Variants in ZBTB48 observed in about 807,000 individuals in gnomAD.
ZBTB48 encodes the protein zinc finger and BTB domain containing 48.
Under a neutral mutation model 64.5 loss-of-function variants are expected in ZBTB48, and 35 were observed. The observed-to-expected ratio is 0.54, with a 90% CI of 0.41 to 0.72. The LOEUF (loss-of-function observed/expected upper bound fraction) is 0.72, where lower values mean the gene tolerates loss of function less well. Among genes scored for constraint, ZBTB48 ranks in the 30% least tolerant of loss-of-function variants. ZBTB48 has a pLI of 0.00. For synonymous variants in ZBTB48, 442 were observed against 356.7 expected, an observed-to-expected ratio of 1.24 and a Z score of -2.70; for missense variants, 828 against 895.3, an observed-to-expected ratio of 0.92 and a Z score of 0.96.
In ZBTB48 at chr1:6,588,955, G is replaced by C. The variant is rs776287893; in HGVS notation, c.1810G>C (p.Glu604Gln). 3.7e-6 allele frequency: 6 copies of C among 1,609,004 alleles called. No individual in the cohort carries two copies. Among genetic ancestry groups the C allele is most frequent in the Non-Finnish European group, 2.5e-6 (3 of 1,176,910 alleles). Residue 604 changes from glutamate to glutamine, a missense_variant, in exon 11 of 11, where the codon GAG (glutamate) becomes CAG (glutamine). By Grantham distance (29) the Glu-to-Gln change is conservative (BLOSUM62 2). Transcript: ENST00000377674. ...RRHMEIHDRV[E>Q]NYNPRQRKLR... Reference sequence around the variant, plus strand: ...GCACATGGAGATCCACGACCGGGTAGAGAACTACAACCCGCGGCAGCGCAA... The same window carrying C: ...GCACATGGAGATCCACGACCGGGTACAGAACTACAACCCGCGGCAGCGCAA...
intron 3 of ZBTB48, among the ~76,000 whole-genome samples, chr1:6,583,956 G>A (rs1256036851): frequency 6.6e-6 from 1 of 151,774 alleles, no homozygotes; most frequent in Non-Finnish European, 1.5e-5. Flanking sequence ...ATTTTTTTGT[G>A]TGTGTTTAGT....
At chr1:6,586,076 C>T (rs2148692016) in intron 4 of ZBTB48, 46 bp downstream of exon 4, 2 of 1,589,662 alleles carry the variant, frequency 1.3e-6, no homozygotes, top group South Asian at 1.1e-5. Flanking sequence ...GCACACTGGC[C>T]TCTCTGTCTT....
At position 6,581,115 on chromosome 1, in the gene ZBTB48, G is replaced by C. The variant is rs767721036; in HGVS notation, c.506G>C (p.Ser169Thr). 1 of 1,613,260 alleles carries C rather than the reference G, an allele frequency of 6.2e-7. No homozygotes were observed. The highest frequency in any genetic ancestry group is 2.2e-5 in the East Asian group (1 of 44,874). ...CCCAGGGATCAGGAGCCCAGAGGCA[G>C]TCATAGTCCTCAGAGGCCCCAGCTC... ...LVPRDQEPRG[S>T]HSPQRPQLHS... The change falls in exon 2 of 11, where the codon AGT (serine) becomes ACT (threonine). Residue 169 changes from serine to threonine, a missense_variant. By Grantham distance (58) the Ser-to-Thr change is moderately conservative. Coordinates refer to ENST00000377674, the MANE Select transcript of ZBTB48 (RefSeq NM_005341.4).
Position 6,587,578 on chromosome 1 carries a change from G to GGCA in ZBTB48, c.1326_1328dup (p.Gly442_His443insGln). On this transcript the variant is annotated inframe_insertion, in exon 7 of 11. Coordinates refer to ENST00000377674, the MANE Select transcript of ZBTB48 (RefSeq NM_005341.4). ...AAGCTGTTTGTGTGTGAGGAGTGTG[G>GGCA]GCACCGGGCCTCGAGCCGGAATGGC... 1 of 1,613,892 alleles carries GGCA rather than the reference G, an allele frequency of 6.2e-7. No homozygotes were observed. The highest frequency in any genetic ancestry group is 8.5e-7 in the Non-Finnish European group (1 of 1,180,038).
At position 6,580,864 on chromosome 1, in the gene ZBTB48, C is replaced by T; in HGVS notation, c.255C>T (p.Leu85=). ...TGGACTTTTTCTACACTGGTCACCT[C>T]GCTCTCACCTCAGGGAACCGGGATC... is the stretch of plus-strand genomic sequence containing the variant. ...LLLDFFYTGH[L]ALTSGNRDQV... Residue 85 remains leucine, a synonymous_variant, in exon 2 of 11, where the codon CTC becomes CTT. Coordinates refer to ENST00000377674, the MANE Select transcript of ZBTB48 (RefSeq NM_005341.4). This position sits in a 1 kb window ranked among gnomAD's most constrained non-coding sequence, Gnocchi z 5.2. 2 of 1,614,180 alleles carry T rather than the reference C, an allele frequency of 1.2e-6. No homozygotes were observed. Among genetic ancestry groups the T allele is most frequent in the Non-Finnish European group, 1.7e-6 (2 of 1,180,046 alleles).
At chr1:6,587,080 C>G in intron 5 of ZBTB48, 125 bp from the exon 6 acceptor site, 1 of 1,079,694 alleles carries the variant, frequency 9.3e-7, no homozygotes, top group Non-Finnish European at 1.4e-6. Context: ...CACACCAGAT[C>G]AGGGGTCCTC....
At position 6,585,656 on chromosome 1, in the gene ZBTB48, C is replaced by T. The variant is rs61159668; in HGVS notation, c.933-263C>T. 346 of 473,694 alleles carry T rather than the reference C, an allele frequency of 7.3e-4. 2 individuals carry two copies. Among genetic ancestry groups the T allele is most frequent in the African/African-American group, 6.3e-3 (325 of 51,690 alleles). 29.3% of individuals were successfully genotyped at this position (473,694 alleles called of 1,614,324 possible). On this transcript the variant is annotated intron_variant, in intron 3 of 10. Coordinates refer to ENST00000377674, the MANE Select transcript of ZBTB48 (RefSeq NM_005341.4). The stretch of plus-strand genomic sequence containing the variant: ...TCTGTTTCTGCCTTCAGACAGAATG[C>T]GGTCAGCTGGGCCTCCCTGTCGGCC...
In ZBTB48 at chr1:6,585,994, G is replaced by A. The variant is rs1024747334; in HGVS notation, c.1008G>A (p.Glu336=). ...ACTTTCGGAAGGAGAACCTCCTGGA[G>A]CATGAAGCCCGGAATTGCATGAACC... ...KCYFRKENLL[E]HEARNCMNRS... The change falls in exon 4 of 11, where the codon GAG becomes GAA. Residue 336 remains glutamate, a synonymous_variant. Coordinates refer to ENST00000377674, the MANE Select transcript of ZBTB48 (RefSeq NM_005341.4). The A allele has an allele frequency of 3.1e-6, 5 of 1,614,060 alleles. No individual in the cohort carries two copies. The highest frequency in any genetic ancestry group is 3.3e-5 in the Admixed American group (2 of 60,012).
At position 6,588,904 on chromosome 1, in the gene ZBTB48, C is replaced by T. The variant is rs202094252; in HGVS notation, c.1771-12C>T. Reference sequence around the variant, plus strand: ...GGATCCCCCAAAGTTCTGAGCTCACCCTCCCCGCCAGGCCCACCTGCGGAG... The same window carrying T: ...GGATCCCCCAAAGTTCTGAGCTCACTCTCCCCGCCAGGCCCACCTGCGGAG... On this transcript the variant is annotated splice_polypyrimidine_tract_variant and intron_variant, in intron 10 of 10. Coordinates refer to ENST00000377674, the MANE Select transcript of ZBTB48 (RefSeq NM_005341.4). 7.4e-6 allele frequency: 12 copies of T among 1,613,700 alleles called. No individual in the cohort carries two copies. Among genetic ancestry groups the T allele is most frequent in the Middle Eastern group, 1.7e-4 (1 of 6,060 alleles).
chr1:6,581,642 C>A (rs1226259859), intron 2 of ZBTB48, among the ~76,000 whole-genome samples: 5 of 149,328 alleles, frequency 3.3e-5, no homozygotes, highest in Admixed American at 6.7e-5. Context: ...CCAGCCTAGG[C>A]GACAGAGCAA....
intron 5 of ZBTB48, 155 bp from the exon 6 acceptor site, chr1:6,587,050 C>A: frequency 1.1e-6 from 1 of 924,886 alleles, no homozygotes; most frequent in Non-Finnish European, 1.7e-6. Context: ...GCCCTGAGGG[C>A]CCTCCTTTGC....
At position 6,580,634 on chromosome 1, in the gene ZBTB48, A is replaced by G. The variant is rs1341801887; in HGVS notation, c.25A>G (p.Ser9Gly). 4 of 1,613,714 alleles carry G rather than the reference A, an allele frequency of 2.5e-6. No individual in the cohort carries two copies. Among genetic ancestry groups the G allele is most frequent in the Non-Finnish European group, 3.4e-6 (4 of 1,179,924 alleles). Reference protein sequence around the residue: MDGSFVQHSVRVLQELNKQ... With the variant: MDGSFVQHGVRVLQELNKQ... Reference sequence around the variant, plus strand: ...CATGGACGGCTCCTTCGTCCAGCACAGTGTGAGGGTTCTGCAGGAGCTCAA... The same window carrying G: ...CATGGACGGCTCCTTCGTCCAGCACGGTGTGAGGGTTCTGCAGGAGCTCAA... The change falls in exon 2 of 11, where the codon AGT (serine) becomes GGT (glycine). Residue 9 changes from serine (S) to glycine (G), a missense_variant. Physicochemically the swap from Ser to Gly is moderately conservative, Grantham distance 56. Transcript: ENST00000377674. This position sits in a 1 kb window ranked among gnomAD's most constrained non-coding sequence, Gnocchi z 5.2.
At position 6,588,909 on chromosome 1, in the gene ZBTB48, C is replaced by T. The variant is rs367946852; in HGVS notation, c.1771-7C>T. 3 of 1,613,652 alleles carry T rather than the reference C, an allele frequency of 1.9e-6. No individual in the cohort carries two copies. The highest frequency in any genetic ancestry group is 2.2e-5 in the East Asian group (1 of 44,888). ...CCCCAAAGTTCTGAGCTCACCCTCC[C>T]CGCCAGGCCCACCTGCGGAGGCACA... is the stretch of plus-strand genomic sequence containing the variant. On this transcript the variant is annotated splice_polypyrimidine_tract_variant and splice_region_variant and intron_variant, in intron 10 of 10. Coordinates refer to ENST00000377674, the MANE Select transcript of ZBTB48 (RefSeq NM_005341.4).
intron 3 of ZBTB48, chr1:6,585,513 G>A: frequency 5.0e-6 from 1 of 201,940 alleles, no homozygotes; most frequent in Admixed American, 5.1e-5. Flanking sequence ...AGCTCCCCTG[G>A]CTACCTGGGA....
chr1:6,586,072 T>C, intron 4 of ZBTB48, 42 bp downstream of exon 4: 1 of 1,591,344 alleles, frequency 6.3e-7, no homozygotes, highest in Non-Finnish European at 8.6e-7. Context: ...CAGGGCACAC[T>C]GGCCTCTCTG....
chr1:6,588,541 C>T (rs1196611482), intron 9 of ZBTB48, 99 bp downstream of exon 9: 5 of 1,447,816 alleles, frequency 3.5e-6, no homozygotes, highest in East Asian at 2.5e-5. Context: ...CTCTTTTGTG[C>T]CCCACATGGT....
In ZBTB48 at chr1:6,582,182, G is replaced by A; in HGVS notation, c.815G>A (p.Ser272Asn). 6.2e-7 allele frequency: 1 copy of A among 1,614,234 alleles called. No individual in the cohort carries two copies. Among genetic ancestry groups the A allele is most frequent in the Non-Finnish European group, 8.5e-7 (1 of 1,180,038 alleles). ...CCCTGTGCAGCTGAGCCAGCCCTGA[G>A]CGCGGGCTCCCTAGCAGCTGAGCCT... is the stretch of plus-strand genomic sequence containing the variant. ...RKPCAAEPAL[S>N]AGSLAAEPAE... is the part of the protein sequence containing the mutation. Residue 272 changes from serine (S) to asparagine (N), a missense_variant, in exon 3 of 11, where the codon AGC (serine) becomes AAC (asparagine). Transcript: ENST00000377674.
chr1:6,580,796 G>A lies in ZBTB48; in HGVS notation c.187G>A (p.Val63Ile), dbSNP rs774151202. Residue 63 changes from valine to isoleucine, a missense_variant, in exon 2 of 11, where the codon GTC becomes ATC. Val to Ile is a conservative substitution (Grantham distance 29, BLOSUM62 3). Transcript: ENST00000377674. This position sits in a 1 kb window ranked among gnomAD's most constrained non-coding sequence, Gnocchi z 5.2. ...SLYGDGSGGS[V>I]VLPAGFAEIF... ...CTACGGGGATGGCTCAGGGGGCAGT[G>A]TCGTCCTCCCTGCTGGCTTCGCTGA... 1.2e-6 allele frequency: 2 copies of A among 1,614,100 alleles called. No homozygotes were observed. Among genetic ancestry groups the A allele is most frequent in the Admixed American group, 3.3e-5 (2 of 60,010 alleles).
rs753723487 is a variant in ZBTB48 at position 6,588,326 on chromosome 1, G to A, written c.1565G>A (p.Ser522Asn). 3.7e-6 allele frequency: 6 copies of A among 1,608,470 alleles called. No homozygotes were observed. The highest frequency in any genetic ancestry group is 5.1e-6 in the Non-Finnish European group (6 of 1,175,750). Residue 522 changes from serine to asparagine, a missense_variant, in exon 9 of 11, where the codon AGT (serine) becomes AAT (asparagine). Transcript: ENST00000377674. ...ACCCACACCGGGGAAAGGCCCTTCA[G>A]TTGCGAGTTCTGTGAACAGCGCTTC... ...NRTHTGERPF[S>N]CEFCEQRFTE...
Sources: allele counts gnomAD v4.1 joint callset (sites outside exome capture counted in the v4.1 genomes callset), GRCh38; gene constraint gnomAD v4.1.1; non-coding constraint Gnocchi (gnomAD v3.1); transcripts MANE v1.5; gene names NCBI Gene and HGNC (gene_info 2026-07-23, HGNC 2026-07-21).